ACOXL: variants seen among roughly 807,000 people sequenced by gnomAD.
ACOXL encodes acyl-CoA oxidase like.
ACOXL carries 70 observed loss-of-function variants against 71.9 expected under a neutral mutation model. The observed-to-expected ratio is 0.97, with a 90% CI of 0.80 to 1.19. The LOEUF (loss-of-function observed/expected upper bound fraction) is 1.19, where lower values mean the gene tolerates loss of function less well. Ranked by LOEUF, ACOXL falls within the 50% of genes most tolerant of loss-of-function variation. ACOXL has a pLI of 0.00. For synonymous variants in ACOXL, 253 were observed against 281.6 expected, an observed-to-expected ratio of 0.90 and a Z score of 1.02; for missense variants, 703 against 736.3, an observed-to-expected ratio of 0.95 and a Z score of 0.52.
intron 11 of ACOXL, among the ~76,000 whole-genome samples, chr2:110,924,189 A>G (rs1327950643): frequency 6.6e-6 from 1 of 152,248 alleles, no homozygotes; most frequent in Non-Finnish European, 1.5e-5. Context: ...ACTAATGAGC[A>G]TCTAAGCCTT....
At chr2:110,973,757 C>A (rs1361974824) in intron 12 of ACOXL, among the ~76,000 whole-genome samples, 1 of 152,138 alleles carries the variant, frequency 6.6e-6, no homozygotes, top group Non-Finnish European at 1.5e-5. Flanking sequence ...GAGAGTCATG[C>A]ATTTCCATAA....
chr2:110,801,351 C>T (rs763619178), intron 7 of ACOXL, among the ~76,000 whole-genome samples: 2 of 152,220 alleles, frequency 1.3e-5, no homozygotes, highest in Non-Finnish European at 2.9e-5. Flanking sequence ...ATCACAGTCA[C>T]TGCTCGGGAG....
At chr2:110,805,951 C>A (rs1434995097) in intron 9 of ACOXL, among the ~76,000 whole-genome samples, 1 of 152,212 alleles carries the variant, frequency 6.6e-6, no homozygotes, top group Non-Finnish European at 1.5e-5. Flanking sequence ...CCCAGGGCCC[C>A]AGTCTACTTT....
chr2:111,024,769 G>A (rs1574517734), intron 14 of ACOXL, among the ~76,000 whole-genome samples: 2 of 151,858 alleles, frequency 1.3e-5, no homozygotes, highest in South Asian at 2.1e-4. Flanking sequence ...GGAGCTTCCC[G>A]GTAGACAACT....
intron 10 of ACOXL, among the ~76,000 whole-genome samples, chr2:110,891,949 A>G (rs968103397): frequency 1.6e-4 from 24 of 152,044 alleles, no homozygotes; most frequent in African/African-American, 5.6e-4. Flanking sequence ...CTTGTGTTGC[A>G]TTCTTTGACA....
At chr2:110,898,338 A>T (rs1375876660) in intron 10 of ACOXL, among the ~76,000 whole-genome samples, 8 of 152,220 alleles carry the variant, frequency 5.3e-5, no homozygotes, top group African/African-American at 1.9e-4. Flanking sequence ...GATACAAAAA[A>T]TTTTAGCAAA....
At chr2:110,800,321 G>A (rs1322406344) in intron 7 of ACOXL, among the ~76,000 whole-genome samples, 1 of 152,188 alleles carries the variant, frequency 6.6e-6, no homozygotes, top group Non-Finnish European at 1.5e-5. Flanking sequence ...GTAAATGGTT[G>A]TGTTCATGTT....
chr2:111,063,698 T>A (rs1290520245), intron 16 of ACOXL, among the ~76,000 whole-genome samples: 1 of 152,030 alleles, frequency 6.6e-6, no homozygotes, highest in Non-Finnish European at 1.5e-5. Context: ...TTGAATGCTG[T>A]CCCCCTAACA....
intron 16 of ACOXL, among the ~76,000 whole-genome samples, chr2:111,056,394 C>G (rs1301517385): frequency 7.9e-5 from 12 of 152,096 alleles, no homozygotes; most frequent in Admixed American, 7.9e-4. Context: ...CAGCTCAAAC[C>G]AACCCCCCAA....
chr2:110,941,366 A>G (rs919161477), intron 12 of ACOXL, among the ~76,000 whole-genome samples: 1 of 152,230 alleles, frequency 6.6e-6, no homozygotes. Context: ...CAATATATGT[A>G]TGCTAAACAG....
At chr2:110,760,387 G>T (rs939765955) in intron 1 of ACOXL, among the ~76,000 whole-genome samples, 1 of 151,880 alleles carries the variant, frequency 6.6e-6, no homozygotes, top group East Asian at 1.9e-4. Context: ...CTCGTGATCC[G>T]CCCGCCTCAG....
intron 13 of ACOXL, 39 bp downstream of exon 13, chr2:110,987,256 G>A (rs1200894143): frequency 6.5e-7 from 1 of 1,528,240 alleles, no homozygotes. Flanking sequence ...GCCTTCAGTG[G>A]GTTATCATGA....
chr2:110,912,826 A>C (rs1364995782), intron 11 of ACOXL, among the ~76,000 whole-genome samples: 1 of 152,096 alleles, frequency 6.6e-6, no homozygotes, highest in Non-Finnish European at 1.5e-5. Context: ...AATCCACAGA[A>C]TAGGAGAAAG....
At chr2:110,814,920 G>A (rs1687746424) in intron 9 of ACOXL, among the ~76,000 whole-genome samples, 1 of 151,650 alleles carries the variant, frequency 6.6e-6, no homozygotes, top group East Asian at 1.9e-4. Flanking sequence ...AATTGCCTTT[G>A]TTTTTTTTCT....
chr2:110,778,274 T>G (rs1193887824), intron 2 of ACOXL, among the ~76,000 whole-genome samples: 2 of 152,152 alleles, frequency 1.3e-5, no homozygotes, highest in Non-Finnish European at 2.9e-5. Flanking sequence ...AAACCATAAC[T>G]GGGAAAAATG....
intron 11 of ACOXL, 104 bp from the exon 12 acceptor site, chr2:110,933,385 A>C (rs1025944858): frequency 2.2e-6 from 3 of 1,357,324 alleles, no homozygotes; most frequent in Non-Finnish European, 3.0e-6. Context: ...CTGACATCAT[A>C]TTCTTTCCTC....
chr2:110,967,357 CA>C (rs1187624059), intron 12 of ACOXL, among the ~76,000 whole-genome samples: 1 of 152,080 alleles, frequency 6.6e-6, no homozygotes, highest in Non-Finnish European at 1.5e-5. Flanking sequence ...ACAGAGAAGA[CA>C]AAAATGAACA....
chr2:111,076,343 A>G (rs1180776129), intron 16 of ACOXL, among the ~76,000 whole-genome samples: 1 of 152,010 alleles, frequency 6.6e-6, no homozygotes, highest in Non-Finnish European at 1.5e-5. Context: ...TCATTATGTA[A>G]TTCCCTCTTT....
At position 111,059,645 on chromosome 2, in the gene ACOXL, C is replaced by G. The variant is rs140067672; in HGVS notation, c.1440+10357C>G. ...GGTAAGAACTAGAAAGTAGACCAAGCTAGGAACCTCAAGACCCAAAGAATG... is the reference window on the plus strand; with the variant it reads ...GGTAAGAACTAGAAAGTAGACCAAGGTAGGAACCTCAAGACCCAAAGAATG... On this transcript the variant is annotated intron_variant, in intron 16 of 17. Transcript: ENST00000439055. Among the ~76,000 whole-genome samples the G allele has an allele frequency of 2.3e-3, 343 of 152,166 alleles. 2 individuals carry two copies. Among genetic ancestry groups the G allele is most frequent in the African/African-American group, 8.0e-3 (333 of 41,488 alleles).
Sources: allele counts gnomAD v4.1 joint callset (sites outside exome capture counted in the v4.1 genomes callset), GRCh38; gene constraint gnomAD v4.1.1; transcripts MANE v1.5; gene names NCBI Gene and HGNC (gene_info 2026-07-23, HGNC 2026-07-21).